Variants in CRYZL1 observed in about 807,000 individuals in gnomAD.
CRYZL1 encodes the protein crystallin zeta like 1, also known as ferry endosomal RAB5 effector complex subunit 4.
CRYZL1 carries 34 observed loss-of-function variants against 50.6 expected under a neutral mutation model. That is an observed-to-expected ratio of 0.67 (90% confidence interval 0.51 to 0.89). The LOEUF is 0.89. Among genes scored for constraint, CRYZL1 ranks in the 40% least tolerant of loss-of-function variants. The pLI is 0.00. For missense variants in CRYZL1, 354 were observed against 402.3 expected (o/e 0.88, Z 1.03); for synonymous variants, 125 against 134.3 (o/e 0.93, Z 0.48).
At chr21:33,641,096 T>C (rs1036049192) in intron 1 of CRYZL1, 1 of 1,538,980 alleles carries the variant, frequency 6.5e-7, no homozygotes, top group Non-Finnish European at 8.7e-7. Flanking sequence ...TTTCTACTCA[T>C]AACGTGGACA....
At position 33,592,034 on chromosome 21, in the gene CRYZL1, A is replaced by C. The variant is rs1028768054; in HGVS notation, c.905-827T>G. ...CGAGGCACATCTCCATTATACATTA[A>C]GTCATCTCTATATTACTTATAATAC... On this transcript the variant is annotated intron_variant, in intron 11 of 12. Transcript: ENST00000381554. Among the ~76,000 whole-genome samples the C allele has an allele frequency of 9.9e-5, 15 of 151,968 alleles. 1 individual carries two copies. Among genetic ancestry groups the C allele is most frequent in the South Asian group, 2.1e-4 (1 of 4,826 alleles).
chr21:33,599,106 A>C, intron 9 of CRYZL1, 44 bp downstream of exon 9: 1 of 1,579,384 alleles, frequency 6.3e-7, no homozygotes, highest in Non-Finnish European at 8.6e-7. Context: ...AAATTCATCA[A>C]ACTAAAAAAA....
chr21:33,634,002 T>C (rs865934631), intron 1 of CRYZL1, among the ~76,000 whole-genome samples: 2 of 152,246 alleles, frequency 1.3e-5, no homozygotes, highest in South Asian at 4.1e-4. Flanking sequence ...CAATGGTTGT[T>C]GGTTTCTCGG....
chr21:33,599,207 C>G lies in CRYZL1; in HGVS notation c.619G>C (p.Glu207Gln). The G allele has an allele frequency of 6.2e-7, 1 of 1,614,010 alleles. No individual in the cohort carries two copies. The highest frequency in any genetic ancestry group is 8.5e-7 in the Non-Finnish European group (1 of 1,179,930). ...DVSNGKVHVA[E>Q]SCLEETGGLG... The stretch of plus-strand genomic sequence containing the variant: ...CCACCTGTTTCTTCCAAACAGCTTT[C>G]AGCAACATGAACTTTCCCATTAGAT... Residue 207 changes from glutamate to glutamine, a missense_variant, in exon 9 of 13, where the codon GAA becomes CAA. Glu to Gln is a conservative substitution (Grantham distance 29). Coordinates refer to ENST00000381554, the MANE Select transcript of CRYZL1 (RefSeq NM_145858.3).
chr21:33,640,044 T>G, intron 1 of CRYZL1: 1 of 1,110,354 alleles, frequency 9.0e-7, no homozygotes, highest in South Asian at 1.5e-5. Flanking sequence ...CAGGCTGGTC[T>G]CGAACTCCTG....
intron 6 of CRYZL1, among the ~76,000 whole-genome samples, chr21:33,613,017 G>C (rs1236632944): frequency 1.3e-5 from 2 of 151,832 alleles, no homozygotes; most frequent in Non-Finnish European, 2.9e-5. Context: ...GTAGAGACCA[G>C]GTTTTGCTAT....
At chr21:33,624,646 C>A in intron 3 of CRYZL1, 37 bp downstream of exon 3, 1 of 1,603,950 alleles carries the variant, frequency 6.2e-7, no homozygotes, top group South Asian at 1.1e-5. Flanking sequence ...CTAAGAAACT[C>A]TCATTTTACT....
Position 33,616,736 on chromosome 21 carries a change from A to G in CRYZL1, c.232T>C (p.Ser78Pro). 1 of 1,607,806 alleles carries G rather than the reference A, an allele frequency of 6.2e-7. No homozygotes were observed. Among genetic ancestry groups the G allele is most frequent in the Non-Finnish European group, 8.5e-7 (1 of 1,176,520 alleles). The change falls in exon 5 of 13, where the codon TCA (serine) becomes CCA (proline). Residue 78 changes from serine to proline, a missense_variant. Coordinates refer to ENST00000381554, the MANE Select transcript of CRYZL1 (RefSeq NM_145858.3). ...GIVLDVGSKV[S>P]FFQPDDEVVG... ...ACTTCATCATCTGGTTGAAAGAATG[A>G]TACCTTGCTTCCAACTAAAGAGTGA...
chr21:33,611,191 G>A (rs2086869628), intron 6 of CRYZL1, among the ~76,000 whole-genome samples: 1 of 152,150 alleles, frequency 6.6e-6, no homozygotes, highest in Non-Finnish European at 1.5e-5. Flanking sequence ...CTGTAAAGGA[G>A]CCCGTGGCAG....
At chr21:33,598,806 GTTT>G (rs775141021) in intron 9 of CRYZL1, among the ~76,000 whole-genome samples, 4 of 125,662 alleles carry the variant, frequency 3.2e-5, no homozygotes, top group Admixed American at 7.9e-5. Flanking sequence ...ACATTTTTGA[GTTT>G]TTTTTTTTTT....
chr21:33,597,236 AC>A (rs1280865441), intron 10 of CRYZL1, 43 bp downstream of exon 10: 1 of 1,589,068 alleles, frequency 6.3e-7, no homozygotes, highest in Non-Finnish European at 8.6e-7. Flanking sequence ...TGTTAATTAC[AC>A]CCCTTTGGTG....
chr21:33,600,520 AG>A (rs1252692048), intron 8 of CRYZL1, among the ~76,000 whole-genome samples: 1 of 152,148 alleles, frequency 6.6e-6, no homozygotes, highest in Non-Finnish European at 1.5e-5. Context: ...CTTGGAGGCA[AG>A]GAGGAAGAGG....
At chr21:33,604,333 G>A (rs2086788652) in intron 6 of CRYZL1, among the ~76,000 whole-genome samples, 2 of 127,026 alleles carry the variant, frequency 1.6e-5, no homozygotes, top group Admixed American at 9.2e-5. Flanking sequence ...TCCAGCCTGG[G>A]TGACACAGCG....
At chr21:33,594,856 G>A (rs948088109) in intron 11 of CRYZL1, 1 of 152,502 alleles carries the variant, frequency 6.6e-6, no homozygotes, top group African/African-American at 2.4e-5. Flanking sequence ...TGCTCCTGGA[G>A]GGAACTGGCC....
At chr21:33,591,716 C>T (rs1353500305) in intron 11 of CRYZL1, 3 of 152,884 alleles carry the variant, frequency 2.0e-5, no homozygotes, top group Admixed American at 1.3e-4. Flanking sequence ...TTCCAGGACC[C>T]CCATGAAGAC....
intron 11 of CRYZL1, 47 bp downstream of exon 11, chr21:33,595,684 A>G (rs1310393100): frequency 2.5e-6 from 4 of 1,606,400 alleles, no homozygotes; most frequent in African/African-American, 1.3e-5. Flanking sequence ...AACTTAGTAC[A>G]GTACAAAGTT....
rs564229947 is a variant in CRYZL1, at chr21:33,622,673, G to A, written c.145-605C>T. On this transcript the variant is annotated intron_variant, in intron 3 of 12. Coordinates refer to ENST00000381554, the MANE Select transcript of CRYZL1 (RefSeq NM_145858.3). ...TTATTAGATTGTGACCAAATTAACTGTAAGTACTTGTCTTTTGAAGTAACA... is the reference window on the plus strand; with the variant it reads ...TTATTAGATTGTGACCAAATTAACTATAAGTACTTGTCTTTTGAAGTAACA... Among the ~76,000 whole-genome samples, 23 of 152,268 alleles carry A rather than the reference G, an allele frequency of 1.5e-4. No individual in the cohort carries two copies. In the South Asian group the frequency reaches 4.6e-3, roughly 30 times the overall value.
At chr21:33,591,091 G>T in intron 12 of CRYZL1, 71 bp downstream of exon 12, 1 of 1,077,724 alleles carries the variant, frequency 9.3e-7, no homozygotes, top group Non-Finnish European at 1.4e-6. Context: ...AAACAAAAGT[G>T]GGACTGCCTG....
intron 2 of CRYZL1, among the ~76,000 whole-genome samples, chr21:33,627,750 T>G (rs1396942022): frequency 2.8e-5 from 4 of 144,386 alleles, no homozygotes; most frequent in South Asian, 2.3e-4. Context: ...TTTTTTTTTT[T>G]TTTTTTTTTT....
Sources: gnomAD v4.1 joint callset for allele counts (sites outside exome capture counted in the v4.1 genomes callset) on GRCh38, gnomAD v4.1.1 for gene constraint, MANE v1.5 for transcripts, NCBI Gene and HGNC (gene_info 2026-07-23, HGNC 2026-07-21) for gene names.